Variants in MAPK8IP3 observed in about 807,000 individuals in gnomAD.
The protein encoded by MAPK8IP3 is mitogen-activated protein kinase 8 interacting protein 3.
MAPK8IP3 carries 49 observed loss-of-function variants against 157.8 expected under a neutral mutation model. The ratio of observed to expected loss-of-function variants is 0.31; its 90% CI spans 0.25 to 0.39. The LOEUF (loss-of-function observed/expected upper bound fraction) is 0.39. Among genes scored for constraint, MAPK8IP3 ranks in the 10% least tolerant of loss-of-function variants. The probability of loss-of-function intolerance (pLI) is 1.00; values close to 1 mark genes in which losing one functional copy is unlikely to be tolerated. For synonymous variants in MAPK8IP3, 897 were observed against 777.7 expected (o/e 1.15, Z -2.55); for missense variants, 1,478 against 1,889.4 (o/e 0.78, Z 4.04).
chr16:1,760,084 C>A lies in MAPK8IP3; in HGVS notation c.1304+69C>A, dbSNP rs536424184. 2.5e-6 allele frequency: 4 copies of A among 1,572,824 alleles called. No individual in the cohort carries two copies. In the East Asian group the frequency reaches 9.0e-5, roughly 35 times the overall value. ...CCTTGTCAGGGCTGGGAGAGTGAGC[C>A]GGGCCAGAGGGCGCCTTGGGGAGCA... On this transcript the variant is annotated intron_variant, in intron 11 of 31. Coordinates refer to ENST00000610761, the MANE Select transcript of MAPK8IP3 (RefSeq NM_001318852.2).
intron 1 of MAPK8IP3, among the ~76,000 whole-genome samples, chr16:1,719,601 G>C (rs2038378837): frequency 6.6e-6 from 1 of 151,138 alleles, no homozygotes; most frequent in Non-Finnish European, 1.5e-5. Context: ...CTGGGAGGCT[G>C]AGGGGGGATC....
chr16:1,763,463 G>A (rs2042067935), intron 16 of MAPK8IP3, among the ~76,000 whole-genome samples, 194 bp from the exon 17 acceptor site: 1 of 151,998 alleles, frequency 6.6e-6, no homozygotes, highest in African/African-American at 2.4e-5. Context: ...GCCGGTGCCA[G>A]GAAAGCCACC....
At chr16:1,739,402 GTCCA>G (rs1272066433) in intron 4 of MAPK8IP3, among the ~76,000 whole-genome samples, 1 of 141,020 alleles carries the variant, frequency 7.1e-6, no homozygotes, top group African/African-American at 2.7e-5. Flanking sequence ...CCGTGTGACC[GTCCA>G]TGTGAGCATC....
At chr16:1,737,685 C>T (rs1204442190) in intron 4 of MAPK8IP3, among the ~76,000 whole-genome samples, 2 of 42,552 alleles carry the variant, frequency 4.7e-5, no homozygotes, top group African/African-American at 9.1e-5. Flanking sequence ...TGTGACCGTC[C>T]GTGTGTGACC....
chr16:1,707,586 TG>T (rs1320386979), intron 1 of MAPK8IP3: 1 of 152,276 alleles, frequency 6.6e-6, no homozygotes, highest in Non-Finnish European at 1.5e-5. Context: ...CGTCAGATAC[TG>T]AGCTCGGCCT....
At position 1,768,877 on chromosome 16, in the gene MAPK8IP3, C is replaced by A; in HGVS notation, c.*53C>A. On this transcript the variant is annotated 3_prime_UTR_variant, in exon 32 of 32. Transcript: ENST00000610761. ...TACATAGGACCCCCGACCACCTGAC[C>A]CCCGCCCGGCCCGCGGGGTAGCCAG... 6.3e-7 allele frequency: 1 copy of A among 1,591,338 alleles called. No individual in the cohort carries two copies.
chr16:1,728,440 C>T (rs189023975), intron 2 of MAPK8IP3, among the ~76,000 whole-genome samples: 17 of 152,352 alleles, frequency 1.1e-4, no homozygotes, highest in African/African-American at 3.8e-4. Flanking sequence ...CTGTGCCTGG[C>T]GTGCCTGGGT....
chr16:1,766,146 A>G lies in MAPK8IP3; in HGVS notation c.2629+4A>G. ...CCAGTGCTAGACAAGGGGCAGGGTGAGTCCTGGGCGAGTTTCCCCCATCCC... is the reference window on the plus strand; with the variant it reads ...CCAGTGCTAGACAAGGGGCAGGGTGGGTCCTGGGCGAGTTTCCCCCATCCC... On this transcript the variant is annotated splice_donor_region_variant and intron_variant, in intron 21 of 31. Transcript: ENST00000610761. The G allele has an allele frequency of 6.2e-7, 1 of 1,605,744 alleles. No homozygotes were observed.
Position 1,741,585 on chromosome 16 carries a change from C to G in MAPK8IP3, c.603-1747C>G, listed in dbSNP as rs140446725. On this transcript the variant is annotated intron_variant, in intron 4 of 31. Coordinates refer to ENST00000610761, the MANE Select transcript of MAPK8IP3 (RefSeq NM_001318852.2). The surrounding 1 kb of genome is among the most constrained non-coding windows in gnomAD (Gnocchi z 6.9). ...TGATGGCGTCAGAACTGGGCCTCAG[C>G]AGAGGCGCTCCCCGCACCAGCGTTG... Among the ~76,000 whole-genome samples, 198 of 152,256 alleles carry G rather than the reference C, an allele frequency of 1.3e-3. No homozygotes were observed. The highest frequency in any genetic ancestry group is 4.5e-3 in the African/African-American group (186 of 41,552).
rs1429661109 is a variant in MAPK8IP3 at position 1,737,407 on chromosome 16, ACCGT to A, written c.603-5920_603-5917del. On this transcript the variant is annotated intron_variant, in intron 4 of 31. Coordinates refer to ENST00000610761, the MANE Select transcript of MAPK8IP3 (RefSeq NM_001318852.2). ...GACCATCCATGTGAGCATCTGTGTG[ACCGT>A]CCGTGTGAGCGTCCGTGTGAGTGTG... is the stretch of plus-strand genomic sequence containing the variant. Among the ~76,000 whole-genome samples the A allele has an allele frequency of 5.2e-4, 40 of 77,284 alleles. 2 individuals are homozygous for A. Among genetic ancestry groups the A allele is most frequent in the Non-Finnish European group, 7.3e-4 (30 of 40,846 alleles). 50.7% of individuals were successfully genotyped at this position (77,284 alleles called of 152,430 possible).
chr16:1,745,295 G>A (rs2040896675), intron 5 of MAPK8IP3: 1 of 498,214 alleles, frequency 2.0e-6, no homozygotes, highest in Non-Finnish European at 2.6e-6. Context: ...CACCCTGCCT[G>A]GCCACATGGG....
Position 1,766,509 on chromosome 16 carries a change from A to G in MAPK8IP3, c.2820-20A>G. 6.2e-7 allele frequency: 1 copy of G among 1,609,638 alleles called. No homozygotes were observed. The highest frequency in any genetic ancestry group is 1.1e-5 in the South Asian group (1 of 90,996). On this transcript the variant is annotated intron_variant, in intron 22 of 31. Coordinates refer to ENST00000610761, the MANE Select transcript of MAPK8IP3 (RefSeq NM_001318852.2). ...GTGCGTGCTCCGTGGCCCCCCCTGG[A>G]GCCACCGTTCTTCCTGCAGCGAGAA...
intron 4 of MAPK8IP3, among the ~76,000 whole-genome samples, chr16:1,731,390 A>G (rs1171820527): frequency 2.6e-5 from 4 of 152,244 alleles, no homozygotes; most frequent in Non-Finnish European, 5.9e-5. Flanking sequence ...ACAGGCACAC[A>G]TTAGGGAGAA....
Position 1,763,776 on chromosome 16 carries a change from A to G in MAPK8IP3, c.2018A>G (p.Tyr673Cys). Residue 673 changes from tyrosine to cysteine, a missense_variant, in exon 17 of 32, where the codon TAC becomes TGC. By Grantham distance (194) the Tyr-to-Cys change is radical. Transcript: ENST00000610761. ...QACGWSLPAK[Y>C]KQLSPNGGQE... ...TGCGGCTGGAGCCTGCCCGCCAAGT[A>G]CAAGCAGGTGCGGGCGGGCGCTGCG... 6.4e-7 allele frequency: 1 copy of G among 1,565,676 alleles called. No individual in the cohort carries two copies. The highest frequency in any genetic ancestry group is 8.7e-7 in the Non-Finnish European group (1 of 1,153,742).
Position 1,767,755 on chromosome 16 carries a change from G to A in MAPK8IP3, c.3409+20G>A, listed in dbSNP as rs2042358241. The A allele has an allele frequency of 1.2e-6, 2 of 1,611,670 alleles. No homozygotes were observed. The highest frequency in any genetic ancestry group is 1.7e-5 in the Admixed American group (1 of 59,966). On this transcript the variant is annotated intron_variant, in intron 27 of 31. Coordinates refer to ENST00000610761, the MANE Select transcript of MAPK8IP3 (RefSeq NM_001318852.2). ...TGCTAGGTGAGGGGCCACGCCAGATGGGGTGGTGGGGTGCTCAAGGCCAGC... is the reference window on the plus strand; with the variant it reads ...TGCTAGGTGAGGGGCCACGCCAGATAGGGTGGTGGGGTGCTCAAGGCCAGC...
chr16:1,721,510 G>A (rs2038519519), intron 1 of MAPK8IP3, among the ~76,000 whole-genome samples: 2 of 152,058 alleles, frequency 1.3e-5, no homozygotes, highest in African/African-American at 4.8e-5. Flanking sequence ...AGGGCTCACT[G>A]CAGCCCCGAC....
chr16:1,748,595 C>T lies in MAPK8IP3; in HGVS notation c.1098-7C>T. The T allele has an allele frequency of 6.2e-7, 1 of 1,611,148 alleles. No individual in the cohort carries two copies. The highest frequency in any genetic ancestry group is 8.5e-7 in the Non-Finnish European group (1 of 1,177,458). ...TGCTCTCTCTCCCGACCTGTGGATC[C>T]CAACAGCCCAACCCAGGGCATCGTG... On this transcript the variant is annotated splice_region_variant and splice_polypyrimidine_tract_variant and intron_variant, in intron 7 of 31. Transcript: ENST00000610761.
At chr16:1,707,297 A>G (rs760045955) in intron 1 of MAPK8IP3, 14 of 152,270 alleles carry the variant, frequency 9.2e-5, no homozygotes, top group Admixed American at 4.6e-4. Context: ...ATGTAAACAC[A>G]GAACAAGGCC....
In MAPK8IP3 at chr16:1,706,674, A is replaced by G; in HGVS notation, c.318+17A>G. The G allele has an allele frequency of 6.6e-7, 1 of 1,519,104 alleles. No homozygotes were observed. The highest frequency in any genetic ancestry group is 8.8e-7 in the Non-Finnish European group (1 of 1,133,860). 94.1% of individuals were successfully genotyped at this position (1,519,104 alleles called of 1,614,324 possible). ...GCGGAGGAGGTGCGTGGGCCGCGGG[A>G]CCCGCCCGCATCCCCGTCCCGGACC... On this transcript the variant is annotated intron_variant, in intron 1 of 31. Coordinates refer to ENST00000610761, the MANE Select transcript of MAPK8IP3 (RefSeq NM_001318852.2). This position sits in a 1 kb window ranked among gnomAD's most constrained non-coding sequence, Gnocchi z 5.1.
Sources: allele counts gnomAD v4.1 joint callset (sites outside exome capture counted in the v4.1 genomes callset), GRCh38; gene constraint gnomAD v4.1.1; non-coding constraint Gnocchi (gnomAD v3.1); transcripts MANE v1.5; gene names NCBI Gene and HGNC (gene_info 2026-07-23, HGNC 2026-07-21).